Variants in ZNF462 observed in about 807,000 individuals in gnomAD.
ZNF462 encodes the protein zinc finger PBX1-interacting protein.
In ZNF462, 10 loss-of-function variants were observed where a neutral mutation model predicts 201.9. That is an observed-to-expected ratio of 0.05 (90% CI 0.03 to 0.08). ZNF462 has a LOEUF of 0.08. ZNF462 is among the 10% of genes least tolerant of loss of function. The pLI is 1.00. For missense variants in ZNF462, 2,523 were observed against 3,168.3 expected, an observed-to-expected ratio of 0.80 and a Z score of 4.89; for synonymous variants, 1,227 against 1,193.3, an observed-to-expected ratio of 1.03 and a Z score of -0.58.
intron 1 of ZNF462, among the ~76,000 whole-genome samples, chr9:106,922,351 C>G (rs1193725264): frequency 6.6e-6 from 1 of 152,092 alleles, no homozygotes; most frequent in Non-Finnish European, 1.5e-5. Context: ...GTGGGACTCT[C>G]CTTTGAGTTA....
intron 7 of ZNF462, among the ~76,000 whole-genome samples, chr9:106,941,046 A>G (rs1564120451): frequency 6.6e-6 from 1 of 152,078 alleles, no homozygotes; most frequent in Non-Finnish European, 1.5e-5. Context: ...TTGCTGGGAC[A>G]TTTTTCTCAA....
chr9:106,950,706 A>G lies in ZNF462; in HGVS notation c.6427+11599A>G, dbSNP rs1470937139. On this transcript the variant is annotated intron_variant, in intron 7 of 12. Transcript: ENST00000277225. The surrounding 1 kb of genome is among the most constrained non-coding windows in gnomAD (Gnocchi z 4.1). Reference sequence around the variant, plus strand: ...GTTGTTCTGTGGACAATAAAATAAGATCATTTTTGCTAATATGGTTACAGT... The same window carrying G: ...GTTGTTCTGTGGACAATAAAATAAGGTCATTTTTGCTAATATGGTTACAGT... Among the ~76,000 whole-genome samples, 1 of 152,188 alleles carries G rather than the reference A, an allele frequency of 6.6e-6. No homozygotes were observed. The highest frequency in any genetic ancestry group is 1.5e-5 in the Non-Finnish European group (1 of 68,042).
chr9:106,959,336 T>A (rs1187763957), intron 7 of ZNF462, among the ~76,000 whole-genome samples: 2 of 152,124 alleles, frequency 1.3e-5, no homozygotes, highest in African/African-American at 4.8e-5. Context: ...GTGTCAGAGA[T>A]CCCTGTTCCA....
intron 7 of ZNF462, among the ~76,000 whole-genome samples, chr9:106,969,481 T>TG (rs1200405266): frequency 6.6e-6 from 1 of 152,098 alleles, no homozygotes; most frequent in Non-Finnish European, 1.5e-5. Flanking sequence ...TTGGGGTCCT[T>TG]GGAGGGGGTC....
chr9:106,988,443 G>C (rs1256822229), intron 10 of ZNF462, among the ~76,000 whole-genome samples: 1 of 151,978 alleles, frequency 6.6e-6, no homozygotes, highest in African/African-American at 2.4e-5. Context: ...TGAGATTTGG[G>C]TGGGGACACA....
intron 7 of ZNF462, among the ~76,000 whole-genome samples, chr9:106,946,621 A>G (rs1350726116): frequency 6.6e-6 from 1 of 152,162 alleles, no homozygotes; most frequent in Non-Finnish European, 1.5e-5. Context: ...CAGCCTTGCT[A>G]GAGTCGAGGG....
In ZNF462 at chr9:106,925,148, T is replaced by A; in HGVS notation, c.1236T>A (p.Ser412=). ...SAMDHQTSGL[S]AEQLMGSDGN... is the part of the protein sequence containing the mutation. The stretch of plus-strand genomic sequence containing the variant: ...TGGATCACCAGACATCAGGCCTGTC[T>A]GCAGAGCAGCTGATGGGCTCAGATG... Residue 412 remains serine, a synonymous_variant, in exon 3 of 13, where the codon TCT becomes TCA. Transcript: ENST00000277225. The surrounding 1 kb of genome is among the most constrained non-coding windows in gnomAD (Gnocchi z 7.9). The A allele has an allele frequency of 6.2e-7, 1 of 1,614,212 alleles. No homozygotes were observed. The highest frequency in any genetic ancestry group is 1.1e-5 in the South Asian group (1 of 91,086).
intron 7 of ZNF462, among the ~76,000 whole-genome samples, chr9:106,948,129 C>T (rs1413989622): frequency 6.6e-6 from 1 of 152,024 alleles, no homozygotes; most frequent in African/African-American, 2.4e-5. Context: ...GAGTATCAGA[C>T]ATGAGCAGAG....
intron 1 of ZNF462, among the ~76,000 whole-genome samples, chr9:106,891,575 C>T (rs1205396123): frequency 6.6e-6 from 1 of 152,166 alleles, no homozygotes; most frequent in Non-Finnish European, 1.5e-5. Flanking sequence ...AAGAAAAGGA[C>T]ATTCCTTTTA....
chr9:106,997,741 G>A (rs1227652915), intron 10 of ZNF462, among the ~76,000 whole-genome samples: 1 of 152,134 alleles, frequency 6.6e-6, no homozygotes, highest in Admixed American at 6.6e-5. Flanking sequence ...AGATCTGTCT[G>A]TTGAGTAGAC....
Position 106,993,246 on chromosome 9 carries a change from A to G in ZNF462, c.7056+8837A>G, listed in dbSNP as rs763871554. On this transcript the variant is annotated intron_variant, in intron 10 of 12. Transcript: ENST00000277225. This position sits in a 1 kb window ranked among gnomAD's most constrained non-coding sequence, Gnocchi z 4.0. ...AACATCTGTAAAGATGTCAGACTAT[A>G]TCATCCACGGACTGGACAGAATCCT... Among the ~76,000 whole-genome samples, 5 of 152,152 alleles carry G rather than the reference A, an allele frequency of 3.3e-5. No individual in the cohort carries two copies. The highest frequency in any genetic ancestry group is 2.1e-4 in the South Asian group (1 of 4,832).
chr9:106,926,288 C>T lies in ZNF462; in HGVS notation c.2376C>T (p.Thr792=), dbSNP rs138885770. The change falls in exon 3 of 13, where the codon ACC becomes ACT. Residue 792 remains threonine (T), a synonymous_variant. Transcript: ENST00000277225. The surrounding 1 kb of genome is among the most constrained non-coding windows in gnomAD (Gnocchi z 7.9). ...NATNGAEIEL[T]LSEDEEDYYG... ...CCAATGGGGCTGAGATTGAGCTCACCCTTTCTGAAGATGAAGAGGATTATT... is the reference window on the plus strand; with the variant it reads ...CCAATGGGGCTGAGATTGAGCTCACTCTTTCTGAAGATGAAGAGGATTATT... 1.9e-6 allele frequency: 3 copies of T among 1,614,138 alleles called. No homozygotes were observed. Among genetic ancestry groups the T allele is most frequent in the Admixed American group, 3.3e-5 (2 of 60,014 alleles).
chr9:107,008,395 A>C lies in ZNF462; in HGVS notation c.7190-1150A>C, dbSNP rs2132753197. Among the ~76,000 whole-genome samples, 3 of 152,336 alleles carry C rather than the reference A, an allele frequency of 2.0e-5. No homozygotes were observed. Among genetic ancestry groups the C allele is most frequent in the Admixed American group, 2.0e-4 (3 of 15,286 alleles). On this transcript the variant is annotated intron_variant, in intron 11 of 12. Coordinates refer to ENST00000277225, the MANE Select transcript of ZNF462 (RefSeq NM_021224.6). The surrounding 1 kb of genome is among the most constrained non-coding windows in gnomAD (Gnocchi z 4.8). ...TTTGTGCTGAAGATTAAGGCATCAC[A>C]GAGCCCCCCATCCTGTTAACATCGT...
rs191450944 is a variant in ZNF462 at position 107,008,153 on chromosome 9, T to G, written c.7190-1392T>G. 5.3e-5 allele frequency among the ~76,000 whole-genome samples: 8 copies of G among 152,112 alleles called. No homozygotes were observed. The East Asian group carries it at 1.4e-3, about 26-fold the overall frequency. The stretch of plus-strand genomic sequence containing the variant: ...TCCCCACCCCCCTCTCATTATGCAG[T>G]TGGGGAGGAGTCAGGAAGGCATTCT... On this transcript the variant is annotated intron_variant, in intron 11 of 12. Transcript: ENST00000277225. The surrounding 1 kb of genome is among the most constrained non-coding windows in gnomAD (Gnocchi z 4.8).
chr9:106,915,200 TG>T (rs1201744852), intron 1 of ZNF462, among the ~76,000 whole-genome samples: 151 of 151,314 alleles, frequency 1.0e-3, no homozygotes, highest in African/African-American at 3.5e-3. Flanking sequence ...CATTTCTGTA[TG>T]TTTTTTTTTT....
At chr9:106,863,708 CTTAA>C (rs1431541325) in intron 1 of ZNF462, among the ~76,000 whole-genome samples, 2 of 151,434 alleles carry the variant, frequency 1.3e-5, no homozygotes, top group East Asian at 2.0e-4. Context: ...AGCGCGGTGG[CTTAA>C]TTAATTTCGT....
At chr9:106,903,813 A>G (rs1032957649) in intron 1 of ZNF462, among the ~76,000 whole-genome samples, 38 of 151,944 alleles carry the variant, frequency 2.5e-4, no homozygotes, top group Admixed American at 6.6e-4. Context: ...GTAAGTCCTT[A>G]TGTGTTAGTT....
In ZNF462 at chr9:106,924,672, C is replaced by T. The variant is rs200887320; in HGVS notation, c.760C>T (p.Arg254Cys). Residue 254 changes from arginine to cysteine, a missense_variant, in exon 3 of 13, where the codon CGC (arginine) becomes TGC (cysteine). Arg to Cys is a radical substitution (Grantham distance 180). Coordinates refer to ENST00000277225, the MANE Select transcript of ZNF462 (RefSeq NM_021224.6). The surrounding 1 kb of genome is among the most constrained non-coding windows in gnomAD (Gnocchi z 6.2). ...TGAGTGGTGCAGCTACCAGACCCCC[C>T]GCCGAGAACGCTGGTGTGACCACAT... The part of the protein sequence containing the change: ...CCEWCSYQTP[R>C]RERWCDHMMK... The T allele has an allele frequency of 1.7e-5, 28 of 1,614,030 alleles. No individual in the cohort carries two copies. The highest frequency in any genetic ancestry group is 2.2e-5 in the Non-Finnish European group (26 of 1,180,022).
intron 8 of ZNF462, among the ~76,000 whole-genome samples, chr9:106,973,531 G>C (rs1826754152): frequency 6.6e-6 from 1 of 152,150 alleles, no homozygotes; most frequent in Non-Finnish European, 1.5e-5. Flanking sequence ...CACAAGAAAG[G>C]GTCCCTGCCC....
Sources: allele counts gnomAD v4.1 joint callset (sites outside exome capture counted in the v4.1 genomes callset), GRCh38; gene constraint gnomAD v4.1.1; non-coding constraint Gnocchi (gnomAD v3.1); transcripts MANE v1.5; gene names NCBI Gene and HGNC (gene_info 2026-07-23, HGNC 2026-07-21).